The following LZTR1 variants were observed in gnomAD, a reference collection of about 807,000 sequenced individuals.
The protein encoded by LZTR1 is leucine-zipper-like transcriptional regulator 1.
In LZTR1, 260 loss-of-function variants were observed where a neutral mutation model predicts 105.7. The ratio of observed to expected loss-of-function variants is 2.46; its 90% CI spans 2.22 to 2.72. The LOEUF is 2.72. LZTR1 is among the 30% of genes most tolerant of loss of function. The pLI is 0.00. For synonymous variants in LZTR1, 490 were observed against 476.4 expected (o/e 1.03, Z -0.37); for missense variants, 1,214 against 1,166.9 (o/e 1.04, Z -0.59).
rs1384105240 is a variant in LZTR1 at position 20,992,785 on chromosome 22, G to T, written c.1150-9G>T. 28 of 1,557,184 alleles carry T rather than the reference G, an allele frequency of 1.8e-5. No individual in the cohort carries two copies. Among genetic ancestry groups the T allele is most frequent in the Non-Finnish European group, 8.8e-7 (1 of 1,141,974 alleles). Reference sequence around the variant, plus strand: ...CCCCACCATTCCACCCTGCCTTCTTGTCCCCCAGCTGCCCAGTGGGAGGCT... The same window carrying T: ...CCCCACCATTCCACCCTGCCTTCTTTTCCCCCAGCTGCCCAGTGGGAGGCT... On this transcript the variant is annotated splice_polypyrimidine_tract_variant and intron_variant, in intron 10 of 20. Transcript: ENST00000646124.
At chr22:20,991,961 C>G in intron 9 of LZTR1, 132 bp downstream of exon 9, 1 of 912,500 alleles carries the variant, frequency 1.1e-6, no homozygotes, top group South Asian at 1.7e-5. Context: ...GCCAGGACAC[C>G]TGGGCCTCAG....
intron 16 of LZTR1, 73 bp from the exon 17 acceptor site, chr22:20,995,673 A>T: frequency 6.3e-7 from 1 of 1,575,886 alleles, no homozygotes; most frequent in Non-Finnish European, 8.7e-7. Context: ...GCAGATATGC[A>T]GGAAGGTAGT....
chr22:20,995,142 T>A, intron 16 of LZTR1, 116 bp downstream of exon 16: 1 of 1,185,178 alleles, frequency 8.4e-7, no homozygotes, highest in Non-Finnish European at 1.2e-6. Context: ...GTGGGTGCCA[T>A]GGGACCCCAG....
intron 2 of LZTR1, among the ~76,000 whole-genome samples, chr22:20,985,306 C>T (rs1481237732): frequency 5.9e-5 from 9 of 152,002 alleles, no homozygotes; most frequent in East Asian, 5.8e-4. Context: ...GTGATCCGCC[C>T]GCCTAGGCTT....
At position 20,997,354 on chromosome 22, in the gene LZTR1, TGTGGCGCCTGCCCATTGTGAAGAATCGCC is replaced by T. The variant is rs1362668052; in HGVS notation, c.*10_*38del. 1.3e-6 allele frequency: 2 copies of T among 1,596,266 alleles called. No individual in the cohort carries two copies. The highest frequency in any genetic ancestry group is 1.7e-6 in the Non-Finnish European group (2 of 1,164,512). On this transcript the variant is annotated 3_prime_UTR_variant, in exon 21 of 21. Transcript: ENST00000646124. ...AGCTGGGCGCCGACATCTGAGGCCCTGTGGCGCCTGCCCATTGTGAAGAATCGCCGTGCCTGCCTGCCCTGCCTACTGAG... is the reference window on the plus strand; with the variant it reads ...AGCTGGGCGCCGACATCTGAGGCCCTGTGCCTGCCTGCCCTGCCTACTGAG...
At chr22:20,987,384 G>A (rs1167975881) in intron 3 of LZTR1, 120 bp from the exon 4 acceptor site, 45 of 574,486 alleles carry the variant, frequency 7.8e-5, no homozygotes, top group South Asian at 2.3e-4. Context: ...GAGAGACTCC[G>A]TCTCAAAAAA....
Position 20,994,121 on chromosome 22 carries a change from C to T in LZTR1, c.1467C>T (p.Ala489=), listed in dbSNP as rs554516790. ...ERLAQKLEQE[A]APVPREAPGV... ...CCCCACAGAAGCTGGAGCAGGAGGC[C>T]GCCCCAGTTCCCAGGGAGGCCCCCG... The change falls in exon 14 of 21, where the codon GCC becomes GCT. Residue 489 remains alanine, a synonymous_variant. Transcript: ENST00000646124. 2.8e-5 allele frequency: 44 copies of T among 1,581,454 alleles called. No individual in the cohort carries two copies. The highest frequency in any genetic ancestry group is 9.2e-5 in the East Asian group (4 of 43,482).
intron 3 of LZTR1, chr22:20,986,467 T>C (rs1924389993): frequency 6.6e-6 from 1 of 151,060 alleles, no homozygotes; most frequent in Admixed American, 6.6e-5. Flanking sequence ...GATAGATAGA[T>C]GATAGGTAGA....
At position 20,991,695 on chromosome 22, in the gene LZTR1, C is replaced by A; in HGVS notation, c.859C>A (p.His287Asn). 2 of 1,602,102 alleles carry A rather than the reference C, an allele frequency of 1.2e-6. No homozygotes were observed. Among genetic ancestry groups the A allele is most frequent in the Non-Finnish European group, 1.7e-6 (2 of 1,175,654 alleles). The part of the protein sequence containing the change: ...SPPPPQRRYG[H>N]TMVAFDRHLY... ...ACCACCCCCGCAGCGGCGCTACGGGCATACCATGGTGGCCTTTGACCGCCA... is the reference window on the plus strand; with the variant it reads ...ACCACCCCCGCAGCGGCGCTACGGGAATACCATGGTGGCCTTTGACCGCCA... Residue 287 changes from histidine (H) to asparagine (N), a missense_variant, in exon 9 of 21, where the codon CAT becomes AAT. Physicochemically the swap from His to Asn is moderately conservative, Grantham distance 68 (BLOSUM62 1). Coordinates refer to ENST00000646124, the MANE Select transcript of LZTR1 (RefSeq NM_006767.4).
At chr22:20,993,843 G>C in intron 12 of LZTR1, 81 bp from the exon 13 acceptor site, 1 of 1,567,856 alleles carries the variant, frequency 6.4e-7, no homozygotes, top group Non-Finnish European at 8.7e-7. Flanking sequence ...TGGCCTGGTG[G>C]TGCTGACCTT....
chr22:20,994,367 C>A, intron 14 of LZTR1, 98 bp downstream of exon 14: 1 of 1,392,592 alleles, frequency 7.2e-7, no homozygotes, highest in Non-Finnish European at 9.8e-7. Context: ...ACTGATGGGC[C>A]CCCTGAGGCT....
rs980917375 is a variant in LZTR1, at chr22:20,997,381, G to A, written c.*33G>A. 9 of 1,468,476 alleles carry A rather than the reference G, an allele frequency of 6.1e-6. No individual in the cohort carries two copies. The highest frequency in any genetic ancestry group is 2.3e-5 in the South Asian group (2 of 88,204). 91.0% of individuals were successfully genotyped at this position (1,468,476 alleles called of 1,614,324 possible). A position where few individuals can be genotyped will look rare whatever the true frequency, so the allele number is the denominator to read the frequency against. On this transcript the variant is annotated 3_prime_UTR_variant, in exon 21 of 21. Coordinates refer to ENST00000646124, the MANE Select transcript of LZTR1 (RefSeq NM_006767.4). ...TGGCGCCTGCCCATTGTGAAGAATC[G>A]CCGTGCCTGCCTGCCCTGCCTACTG...
At chr22:20,990,563 C>A in intron 8 of LZTR1, 38 bp downstream of exon 8, 1 of 1,571,248 alleles carries the variant, frequency 6.4e-7, no homozygotes, top group South Asian at 1.2e-5. Context: ...GGAGGACGGT[C>A]AGTTCCCTCG....
chr22:20,982,978 C>G (rs745607676), intron 1 of LZTR1, 49 bp from the exon 2 acceptor site: 2 of 1,535,856 alleles, frequency 1.3e-6, no homozygotes, highest in Admixed American at 3.3e-5. Flanking sequence ...TCCTTGGGTG[C>G]CCCCCAGGAG....
At chr22:20,988,139 AT>A in intron 5 of LZTR1, 21 bp downstream of exon 5, 3 of 1,511,740 alleles carry the variant, frequency 2.0e-6, no homozygotes, top group Non-Finnish European at 2.8e-6. Context: ...TTGCAGAAAC[AT>A]TTGGGACAGG....
At position 20,990,537 on chromosome 22, in the gene LZTR1, G is replaced by A; in HGVS notation, c.791+12G>A. The A allele has an allele frequency of 3.1e-6, 5 of 1,600,256 alleles. No individual in the cohort carries two copies. The highest frequency in any genetic ancestry group is 3.4e-6 in the Non-Finnish European group (4 of 1,171,266). ...TTCAAGGACAAGACGTGAGTACTCT[G>A]GCCAGTGGGGTGGAGGGAGGACGGT... On this transcript the variant is annotated intron_variant, in intron 8 of 20. Transcript: ENST00000646124.
Position 20,993,575 on chromosome 22 carries a change from G to T in LZTR1, c.1261-87G>T, listed in dbSNP as rs12166033. ...GGGCCCTGAGGGTCAGCATGGGCCAGGTGGGGACCTCAGGGTCGGCCTGCA... is the reference window on the plus strand; with the variant it reads ...GGGCCCTGAGGGTCAGCATGGGCCATGTGGGGACCTCAGGGTCGGCCTGCA... On this transcript the variant is annotated intron_variant, in intron 11 of 20. Coordinates refer to ENST00000646124, the MANE Select transcript of LZTR1 (RefSeq NM_006767.4). The T allele has an allele frequency of 8.1e-3, 9,153 of 1,134,874 alleles. 484 individuals carry two copies. In the African/African-American group the frequency reaches 0.11, roughly 14 times the overall value. The allele number at this position is 1,134,874 out of a possible 1,614,324, so 70.3% of individuals were successfully genotyped here. A position where few individuals can be genotyped will look rare whatever the true frequency, so the allele number is the denominator to read the frequency against.
chr22:20,982,537 C>T lies in LZTR1; in HGVS notation c.166C>T (p.Arg56Cys). The change falls in exon 1 of 21, where the codon CGC becomes TGC. Residue 56 changes from arginine (R) to cysteine (C), a missense_variant. By Grantham distance (180) the Arg-to-Cys change is radical. Transcript: ENST00000646124. ...CTTCGAAACAGTGCATCGCTGGCGG[C>T]GCCTCCCGCCCTGCGACGAGTTCGT... ...GPFETVHRWR[R>C]LPPCDEFVGA... 1 of 1,612,852 alleles carries T rather than the reference C, an allele frequency of 6.2e-7. No homozygotes were observed. The highest frequency in any genetic ancestry group is 8.5e-7 in the Non-Finnish European group (1 of 1,179,668).
In LZTR1 at chr22:20,995,621, G is replaced by A. The variant is rs1211452129; in HGVS notation, c.1943-125G>A. ...CTGATGGTACCTCAGGGCGAGTGAGGCCTTCTGCCTGGGTGAAGTTTTGTT... is the reference window on the plus strand; with the variant it reads ...CTGATGGTACCTCAGGGCGAGTGAGACCTTCTGCCTGGGTGAAGTTTTGTT... On this transcript the variant is annotated intron_variant, in intron 16 of 20. Transcript: ENST00000646124. 8.0e-5 allele frequency: 95 copies of A among 1,185,394 alleles called. 1 individual carries two copies. Among genetic ancestry groups the A allele is most frequent in the Non-Finnish European group, 2.5e-6 (2 of 815,514 alleles). 73.4% of individuals were successfully genotyped at this position (1,185,394 alleles called of 1,614,324 possible).
Sources: allele counts gnomAD v4.1 joint callset (sites outside exome capture counted in the v4.1 genomes callset), GRCh38; gene constraint gnomAD v4.1.1; transcripts MANE v1.5; gene names NCBI Gene and HGNC (gene_info 2026-07-23, HGNC 2026-07-21).